Variants in FBXO15 observed in about 807,000 individuals in gnomAD.
FBXO15 encodes the protein F-box protein 15, also known as F-box only protein 15.
FBXO15 carries 30 observed loss-of-function variants against 49.5 expected under a neutral mutation model. The ratio of observed to expected loss-of-function variants is 0.61; its 90% CI spans 0.45 to 0.82. The LOEUF (loss-of-function observed/expected upper bound fraction) is 0.82. Among genes scored for constraint, FBXO15 ranks in the 40% least tolerant of loss-of-function variants. The pLI, the probability that FBXO15 is intolerant of heterozygous loss-of-function variation, is 0.00. For synonymous variants in FBXO15, 250 were observed against 232.7 expected (o/e 1.07, Z -0.68); for missense variants, 591 against 631.5 (o/e 0.94, Z 0.69).
chr18:74,123,314 TCCC>T (rs1914549808), intron 8 of FBXO15, 51 bp downstream of exon 8: 1 of 1,565,602 alleles, frequency 6.4e-7, no homozygotes, highest in South Asian at 1.2e-5. Flanking sequence ...CAAAATTGGT[TCCC>T]TCACCTCAAC....
chr18:74,098,635 C>A (rs1913385155), intron 8 of FBXO15: 1 of 152,142 alleles, frequency 6.6e-6, no homozygotes, highest in African/African-American at 2.4e-5. Flanking sequence ...ATGACCAAAC[C>A]TAAGAATAAT....
intron 4 of FBXO15, 105 bp from the exon 5 acceptor site, chr18:74,129,719 C>A: frequency 1.1e-6 from 1 of 924,024 alleles, no homozygotes. Flanking sequence ...CCTTAAAAGC[C>A]AAAGTCAAAA....
chr18:74,102,505 G>T (rs1161899556), intron 8 of FBXO15, among the ~76,000 whole-genome samples: 1 of 152,182 alleles, frequency 6.6e-6, no homozygotes, highest in Non-Finnish European at 1.5e-5. Flanking sequence ...TACTGCTGAA[G>T]GGAATGTAAA....
intron 3 of FBXO15, among the ~76,000 whole-genome samples, chr18:74,131,597 G>A (rs916477375): frequency 2.6e-5 from 4 of 152,202 alleles, no homozygotes; most frequent in African/African-American, 7.2e-5. Context: ...GAAGCCCCAC[G>A]AGTGGTGGCA....
rs564883174 is a variant in FBXO15, at chr18:74,086,192, C to T, written c.1139-4141G>A. ...GAAACTTGATAATATCAAGATGGAA[C>T]GAAAAGTCACCTATTTTTGGAATTA... On this transcript the variant is annotated intron_variant, in intron 8 of 9. Coordinates refer to ENST00000419743, the MANE Select transcript of FBXO15 (RefSeq NM_001142958.2). Among the ~76,000 whole-genome samples the T allele has an allele frequency of 4.4e-4, 67 of 151,670 alleles. 1 individual carries two copies. Among genetic ancestry groups the T allele is most frequent in the Admixed American group, 1.8e-3 (28 of 15,256 alleles).
chr18:74,116,583 C>T (rs1016631005), intron 8 of FBXO15, among the ~76,000 whole-genome samples: 3 of 152,170 alleles, frequency 2.0e-5, no homozygotes, highest in Admixed American at 6.5e-5. Context: ...CTACCTCGGC[C>T]TGGACCCTCC....
intron 8 of FBXO15, chr18:74,098,269 A>C (rs1001245029): frequency 1.1e-4 from 16 of 152,296 alleles, no homozygotes; most frequent in Admixed American, 5.9e-4. Context: ...CCAAGAAAAA[A>C]TCCTTGATTT....
chr18:74,085,639 G>A (rs1302543024), intron 8 of FBXO15, among the ~76,000 whole-genome samples: 1 of 152,170 alleles, frequency 6.6e-6, no homozygotes, highest in African/African-American at 2.4e-5. Context: ...GGAATAGATT[G>A]GTTCAGAAAT....
chr18:74,084,311 T>C (rs984108748), intron 8 of FBXO15, among the ~76,000 whole-genome samples: 1 of 152,216 alleles, frequency 6.6e-6, no homozygotes, highest in South Asian at 2.1e-4. Flanking sequence ...AGCCGGTCAC[T>C]GGTGATGCAG....
At chr18:74,140,443 GA>G in intron 1 of FBXO15, 131 bp from the exon 2 acceptor site, 6 of 739,084 alleles carry the variant, frequency 8.1e-6, no homozygotes, top group Non-Finnish European at 1.2e-5. Flanking sequence ...TTTCTGCAAA[GA>G]AAAAAAGGAA....
intron 8 of FBXO15, among the ~76,000 whole-genome samples, chr18:74,106,893 G>C (rs951939851): frequency 6.6e-6 from 1 of 151,822 alleles, no homozygotes; most frequent in Non-Finnish European, 1.5e-5. Flanking sequence ...CCAAACAATG[G>C]AATATTATAC....
intron 8 of FBXO15, among the ~76,000 whole-genome samples, chr18:74,117,141 GT>G (rs1308232106): frequency 6.6e-6 from 1 of 151,906 alleles, no homozygotes; most frequent in Non-Finnish European, 1.5e-5. Context: ...TTTTAAAAAT[GT>G]TACAAAGACA....
chr18:74,124,484 C>G lies in FBXO15; in HGVS notation c.995+5G>C. 6.2e-7 allele frequency: 1 copy of G among 1,612,640 alleles called. No homozygotes were observed. The highest frequency in any genetic ancestry group is 1.3e-5 in the African/African-American group (1 of 75,024). On this transcript the variant is annotated splice_donor_5th_base_variant and intron_variant, in intron 7 of 9. Coordinates refer to ENST00000419743, the MANE Select transcript of FBXO15 (RefSeq NM_001142958.2). Reference sequence around the variant, plus strand: ...AATTCAACACACCCACATATAAATACATACATAGTAGCCGAGCCTAATGTG... The same window carrying G: ...AATTCAACACACCCACATATAAATAGATACATAGTAGCCGAGCCTAATGTG...
chr18:74,073,582 G>C lies in FBXO15; in HGVS notation c.1412C>G (p.Ala471Gly). 3 of 1,614,184 alleles carry C rather than the reference G, an allele frequency of 1.9e-6. No homozygotes were observed. Among genetic ancestry groups the C allele is most frequent in the Non-Finnish European group, 2.5e-6 (3 of 1,180,036 alleles). Reference protein sequence around the residue: ...GQTYNVDYVDAEGRVHVELVW... With the variant: ...GQTYNVDYVDGEGRVHVELVW... ...CAGCTCCACGTGCACTCTTCCTTCC[G>C]CATCAACGTAGTCCACGTTGTATGT... Residue 471 changes from alanine to glycine, a missense_variant, in exon 10 of 10, where the codon GCG becomes GGG. Coordinates refer to ENST00000419743, the MANE Select transcript of FBXO15 (RefSeq NM_001142958.2).
At chr18:74,142,624 G>C (rs1257468568) in intron 1 of FBXO15, among the ~76,000 whole-genome samples, 5 of 152,080 alleles carry the variant, frequency 3.3e-5, no homozygotes, top group Non-Finnish European at 1.5e-5. Flanking sequence ...TCTTCACAGA[G>C]CAATCTTCCC....
At chr18:74,077,222 G>T (rs1912291359) in intron 9 of FBXO15, among the ~76,000 whole-genome samples, 1 of 152,218 alleles carries the variant, frequency 6.6e-6, no homozygotes, top group East Asian at 1.9e-4. Flanking sequence ...CTGAATGAAT[G>T]AATGAGTGTG....
intron 8 of FBXO15, among the ~76,000 whole-genome samples, chr18:74,083,839 T>C (rs576613267): frequency 6.6e-6 from 1 of 152,360 alleles, no homozygotes; most frequent in East Asian, 1.9e-4. Context: ...AGTGTGTGTA[T>C]ATAAAATAGG....
At chr18:74,125,069 G>A (rs112826243) in intron 6 of FBXO15, among the ~76,000 whole-genome samples, 2,791 of 152,226 alleles carry the variant, frequency 0.018, 94 homozygotes, top group African/African-American at 0.063. Context: ...GCGACTATTT[G>A]GGGACTGACC....
intron 8 of FBXO15, among the ~76,000 whole-genome samples, chr18:74,101,596 C>A (rs182011306): frequency 6.6e-6 from 1 of 152,070 alleles, no homozygotes; most frequent in African/African-American, 2.4e-5. Context: ...TAATTCTTCA[C>A]AAAACTAGAA....
Sources: gnomAD v4.1 joint callset for allele counts (sites outside exome capture counted in the v4.1 genomes callset) on GRCh38, gnomAD v4.1.1 for gene constraint, MANE v1.5 for transcripts, NCBI Gene and HGNC (gene_info 2026-07-23, HGNC 2026-07-21) for gene names.